The following STX18 variants were observed in gnomAD, a reference collection of about 807,000 sequenced individuals.
The protein encoded by STX18 is syntaxin 18.
STX18 carries 40 observed loss-of-function variants against 50.1 expected under a neutral mutation model. The ratio of observed to expected loss-of-function variants is 0.80; its 90% CI spans 0.62 to 1.04. The LOEUF (loss-of-function observed/expected upper bound fraction) is 1.04. Among genes scored for constraint, STX18 ranks in the 50% least tolerant of loss-of-function variants. The pLI, the probability that STX18 is intolerant of heterozygous loss-of-function variation, is 0.00. For missense variants in STX18, 410 were observed against 415.8 expected (o/e 0.99, Z 0.12); for synonymous variants, 158 against 151.8 (o/e 1.04, Z -0.30).
chr4:4,526,508 T>C (rs1404466635), intron 1 of STX18, among the ~76,000 whole-genome samples: 1 of 152,204 alleles, frequency 6.6e-6, no homozygotes, highest in Non-Finnish European at 1.5e-5. Flanking sequence ...TTACACAAGC[T>C]GGAACAACAA....
chr4:4,451,754 CCTCT>C (rs938344094), intron 5 of STX18, among the ~76,000 whole-genome samples: 1 of 152,120 alleles, frequency 6.6e-6, no homozygotes, highest in Non-Finnish European at 1.5e-5. Context: ...CCCATTTTCT[CCTCT>C]CTCTCCCTCT....
At chr4:4,505,673 C>G (rs1271067128) in intron 1 of STX18, among the ~76,000 whole-genome samples, 1 of 151,988 alleles carries the variant, frequency 6.6e-6, no homozygotes, top group Non-Finnish European at 1.5e-5. Context: ...TCTGTAATCC[C>G]AGCTACTCAG....
chr4:4,540,580 T>G (rs1207582222), intron 1 of STX18, among the ~76,000 whole-genome samples: 1 of 152,208 alleles, frequency 6.6e-6, no homozygotes, highest in Non-Finnish European at 1.5e-5. Flanking sequence ...CTGACCACAT[T>G]CTTTTTGTGC....
intron 1 of STX18, among the ~76,000 whole-genome samples, chr4:4,540,092 T>G (rs1206914778): frequency 6.6e-6 from 1 of 152,146 alleles, no homozygotes; most frequent in East Asian, 1.9e-4. Flanking sequence ...TATTTCAACC[T>G]AGGAAGCTCC....
chr4:4,533,767 CT>C (rs1188518320), intron 1 of STX18, among the ~76,000 whole-genome samples: 1 of 152,198 alleles, frequency 6.6e-6, no homozygotes, highest in African/African-American at 2.4e-5. Context: ...CAGCCCTACC[CT>C]AGTAGGTGAG....
At chr4:4,496,404 A>C (rs767219362) in intron 1 of STX18, among the ~76,000 whole-genome samples, 22 of 152,000 alleles carry the variant, frequency 1.4e-4, no homozygotes, top group Admixed American at 4.6e-4. Context: ...ACTGCAGCCA[A>C]CCCGCCATCA....
chr4:4,513,343 A>G (rs1050570107), intron 1 of STX18, among the ~76,000 whole-genome samples: 4 of 151,924 alleles, frequency 2.6e-5, no homozygotes, highest in African/African-American at 9.7e-5. Flanking sequence ...GTAGAAGTAG[A>G]CTCAAGCGCC....
intron 1 of STX18, chr4:4,507,564 C>A: frequency 1.3e-6 from 1 of 765,460 alleles, no homozygotes; most frequent in Non-Finnish European, 2.4e-6. Context: ...GGAGTGCACT[C>A]TGACAGCTGT....
chr4:4,437,905 C>T (rs1281769937), intron 6 of STX18, among the ~76,000 whole-genome samples: 1 of 152,250 alleles, frequency 6.6e-6, no homozygotes, highest in African/African-American at 2.4e-5. Context: ...GCATCAGGAA[C>T]TATTCTAAGC....
At position 4,456,777 on chromosome 4, in the gene STX18, T is replaced by C. The variant is rs141321373; in HGVS notation, c.497+414A>G. On this transcript the variant is annotated intron_variant, in intron 5 of 10. Coordinates refer to ENST00000306200, the MANE Select transcript of STX18 (RefSeq NM_016930.4). ...CTTTCAGGGACGACAAGAAGGGGTATGGGGGTCAAAGAGATTGAGGTAAAA... is the reference window on the plus strand; with the variant it reads ...CTTTCAGGGACGACAAGAAGGGGTACGGGGGTCAAAGAGATTGAGGTAAAA... Among the ~76,000 whole-genome samples, 222 of 152,220 alleles carry C rather than the reference T, an allele frequency of 1.5e-3. 4 individuals carry two copies. The highest frequency in any genetic ancestry group is 3.9e-3 in the East Asian group (20 of 5,182).
At chr4:4,486,282 T>C (rs1242791188) in intron 1 of STX18, among the ~76,000 whole-genome samples, 1 of 152,226 alleles carries the variant, frequency 6.6e-6, no homozygotes, top group African/African-American at 2.4e-5. Context: ...GGATTCTAGT[T>C]ACTGAGGTTA....
intron 1 of STX18, chr4:4,479,047 T>C (rs906142278): frequency 6.6e-6 from 1 of 152,364 alleles, no homozygotes; most frequent in Non-Finnish European, 1.5e-5. Flanking sequence ...TTTGAGCAAG[T>C]TGCTTAATCT....
At chr4:4,500,127 C>T (rs1052552590) in intron 1 of STX18, among the ~76,000 whole-genome samples, 1 of 152,132 alleles carries the variant, frequency 6.6e-6, no homozygotes, top group Non-Finnish European at 1.5e-5. Context: ...TTTCTCCAAC[C>T]TTATTTTCTG....
intron 6 of STX18, among the ~76,000 whole-genome samples, chr4:4,435,927 A>C (rs1725753194): frequency 6.6e-6 from 1 of 152,034 alleles, no homozygotes; most frequent in Non-Finnish European, 1.5e-5. Flanking sequence ...CGGAGGGGAG[A>C]GGGATGGCAG....
intron 1 of STX18, among the ~76,000 whole-genome samples, chr4:4,490,882 T>G (rs997654110): frequency 1.3e-5 from 2 of 152,188 alleles, no homozygotes; most frequent in African/African-American, 2.4e-5. Flanking sequence ...TTTGCATGTT[T>G]ATTATCAAAC....
rs1244764925 is a variant in STX18, at chr4:4,474,630, G to T, written c.169-2924C>A. The stretch of plus-strand genomic sequence containing the variant: ...TATCTGGGTAGGCTCAATCACAAGG[G>T]TCGGTAAATGTGGAAGTGGGAGGCA... On this transcript the variant is annotated intron_variant, in intron 1 of 10. Transcript: ENST00000306200. 5.3e-5 allele frequency among the ~76,000 whole-genome samples: 8 copies of T among 152,180 alleles called. No homozygotes were observed. The South Asian group carries it at 1.7e-3, about 32-fold the overall frequency.
chr4:4,459,393 T>C lies in STX18; in HGVS notation c.331A>G (p.Ile111Val), dbSNP rs1419414634. The C allele has an allele frequency of 1.9e-6, 3 of 1,614,000 alleles. No homozygotes were observed. In the East Asian group the frequency reaches 6.7e-5, roughly 36 times the overall value. Residue 111 changes from isoleucine to valine, a missense_variant, in exon 3 of 11, where the codon ATT becomes GTT. Physicochemically the swap from Ile to Val is conservative, Grantham distance 29. Coordinates refer to ENST00000306200, the MANE Select transcript of STX18 (RefSeq NM_016930.4). ...TTACCTTCTGTTCGTAGTTGCTGAA[T>C]TGCTTCTGAACAGGTCCTCATGAAT... Reference protein sequence around the residue: ...QIFMRTCSEAIQQLRTEAHKE... With the variant: ...QIFMRTCSEAVQQLRTEAHKE...
intron 1 of STX18, among the ~76,000 whole-genome samples, chr4:4,485,331 TC>T (rs1173420779): frequency 3.9e-5 from 6 of 152,164 alleles, no homozygotes; most frequent in African/African-American, 1.4e-4. Context: ...ACTATTTCAG[TC>T]TCACCCATAG....
At chr4:4,522,340 C>A (rs867250593) in intron 1 of STX18, among the ~76,000 whole-genome samples, 5 of 152,112 alleles carry the variant, frequency 3.3e-5, no homozygotes, top group Non-Finnish European at 7.4e-5. Flanking sequence ...CTTAAAAAAA[C>A]GTAATGGAGT....
Sources: allele counts gnomAD v4.1 joint callset (sites outside exome capture counted in the v4.1 genomes callset), GRCh38; gene constraint gnomAD v4.1.1; transcripts MANE v1.5; gene names NCBI Gene and HGNC (gene_info 2026-07-23, HGNC 2026-07-21).